Variants in APPBP2 observed in about 807,000 individuals in gnomAD.
The protein encoded by APPBP2 is amyloid beta precursor protein binding protein 2, also known as amyloid protein-binding protein 2.
In APPBP2, 15 loss-of-function variants were observed where a neutral mutation model predicts 76.0. The observed-to-expected ratio is 0.20, with a 90% confidence interval of 0.13 to 0.30. The LOEUF is 0.30. Among genes scored for constraint, APPBP2 ranks in the 10% least tolerant of loss-of-function variants. The pLI, the probability that APPBP2 is intolerant of heterozygous loss-of-function variation, is 1.00. For synonymous variants in APPBP2, 222 were observed against 242.2 expected (o/e 0.92, Z 0.77); for missense variants, 401 against 687.2 (o/e 0.58, Z 4.66).
At position 60,445,239 on chromosome 17, in the gene APPBP2, CAAT is replaced by C. The variant is rs1424896150; in HGVS notation, c.*2339_*2341del. 6.6e-6 allele frequency: 1 copy of C among 152,366 alleles called. No individual in the cohort carries two copies. Among genetic ancestry groups the C allele is most frequent in the East Asian group, 1.9e-4 (1 of 5,182 alleles). 9.4% of individuals were successfully genotyped at this position (152,366 alleles called of 1,614,324 possible). On this transcript the variant is annotated 3_prime_UTR_variant, in exon 13 of 13. Coordinates refer to ENST00000083182, the MANE Select transcript of APPBP2 (RefSeq NM_006380.5). ...AGCAGTGGTGATAAGGAGAAACTGC[CAAT>C]AATGATGTTTCAAAAAAACACAACT...
intron 1 of APPBP2, among the ~76,000 whole-genome samples, chr17:60,511,126 G>A (rs573074777): frequency 6.6e-6 from 1 of 152,316 alleles, no homozygotes; most frequent in South Asian, 2.1e-4. Flanking sequence ...CTAGTTAGAT[G>A]TAAGGCCTAG....
At chr17:60,474,083 T>C (rs566861307) in intron 4 of APPBP2, among the ~76,000 whole-genome samples, 29 of 152,300 alleles carry the variant, frequency 1.9e-4, no homozygotes, top group African/African-American at 6.5e-4. Context: ...AAGTAATCTT[T>C]AAAAAGCCAG....
At chr17:60,517,522 T>C (rs1020548859) in intron 1 of APPBP2, among the ~76,000 whole-genome samples, 1 of 152,242 alleles carries the variant, frequency 6.6e-6, no homozygotes, top group East Asian at 1.9e-4. Context: ...ACTTTTTTCA[T>C]ATTTAGATCA....
chr17:60,470,016 C>T (rs79866646), intron 4 of APPBP2, among the ~76,000 whole-genome samples: 2,199 of 147,224 alleles, frequency 0.015, 55 homozygotes, highest in African/African-American at 0.052. Context: ...TTTCCAATTT[C>T]TTTTTTTTTT....
chr17:60,447,668 A>C lies in APPBP2; in HGVS notation c.1671T>G (p.Leu557=), dbSNP rs746067021. Residue 557 remains leucine, a synonymous_variant, in exon 13 of 13, where the codon CTT becomes CTG. Transcript: ENST00000083182. ...ACTGGGGGCTGGTGCTGACATCTTC[A>C]AGAGCATCTGTCACTGAATATTGCC... ...RDRQYSVTDA[L]EDVSTSPQST... The C allele has an allele frequency of 9.3e-6, 15 of 1,614,146 alleles. No homozygotes were observed. The highest frequency in any genetic ancestry group is 1.3e-5 in the Non-Finnish European group (15 of 1,180,040).
Position 60,526,165 on chromosome 17 carries a change from A to C in APPBP2, c.-234T>G, listed in dbSNP as rs2091053929. 2 of 527,488 alleles carry C rather than the reference A, an allele frequency of 3.8e-6. No individual in the cohort carries two copies. The highest frequency in any genetic ancestry group is 1.9e-5 in the African/African-American group (1 of 52,054). 32.7% of individuals were successfully genotyped at this position (527,488 alleles called of 1,614,324 possible). Reference sequence around the variant, plus strand: ...AGAAAACAGCGGCCAGCCAGGCCAAAAGCGTCACAATCCCGGTTCGAGAGG... The same window carrying C: ...AGAAAACAGCGGCCAGCCAGGCCAACAGCGTCACAATCCCGGTTCGAGAGG... On this transcript the variant is annotated 5_prime_UTR_variant, in exon 1 of 13. Coordinates refer to ENST00000083182, the MANE Select transcript of APPBP2 (RefSeq NM_006380.5).
chr17:60,482,406 C>T (rs1038368620), intron 3 of APPBP2, among the ~76,000 whole-genome samples: 1 of 152,110 alleles, frequency 6.6e-6, no homozygotes, highest in Non-Finnish European at 1.5e-5. Flanking sequence ...CTTAGTAATG[C>T]AGTCCTTTCT....
chr17:60,524,610 G>GAAAA (rs35185909), intron 1 of APPBP2, among the ~76,000 whole-genome samples: 9 of 49,942 alleles, frequency 1.8e-4, no homozygotes, highest in Non-Finnish European at 2.6e-4. Context: ...TGCTAATTCT[G>GAAAA]AAAAAAAAAA....
intron 2 of APPBP2, among the ~76,000 whole-genome samples, chr17:60,494,956 G>C (rs1448736360): frequency 1.3e-5 from 2 of 149,034 alleles, no homozygotes; most frequent in Non-Finnish European, 3.0e-5. Flanking sequence ...AGGCAATGAA[G>C]ATAGAAGAGT....
chr17:60,498,785 CAG>C (rs774168765), intron 2 of APPBP2, among the ~76,000 whole-genome samples: 2 of 152,082 alleles, frequency 1.3e-5, no homozygotes, highest in Non-Finnish European at 2.9e-5. Flanking sequence ...AAAGACAAGA[CAG>C]GGGTTCTGGT....
Position 60,443,545 on chromosome 17 carries a change from C to G in APPBP2, c.*4036G>C, listed in dbSNP as rs887862445. 1 of 152,564 alleles carries G rather than the reference C, an allele frequency of 6.6e-6. No individual in the cohort carries two copies. Among genetic ancestry groups the G allele is most frequent in the Non-Finnish European group, 1.5e-5 (1 of 68,024 alleles). 9.5% of individuals were successfully genotyped at this position (152,564 alleles called of 1,614,324 possible). ...GTAATATTTAATAAAACGTAGCATT[C>G]ATTCACATCATAAAAGTAGAACTGA... On this transcript the variant is annotated 3_prime_UTR_variant, in exon 13 of 13. Transcript: ENST00000083182.
chr17:60,458,738 T>A (rs145182508), intron 9 of APPBP2, among the ~76,000 whole-genome samples: 3 of 151,990 alleles, frequency 2.0e-5, no homozygotes, highest in Non-Finnish European at 4.4e-5. Context: ...AAAGAACACA[T>A]ACTTTACAGC....
intron 1 of APPBP2, among the ~76,000 whole-genome samples, chr17:60,518,358 CGT>C (rs59428194): frequency 0.25 from 22,084 of 88,142 alleles, 3,195 homozygotes; most frequent in Non-Finnish European, 0.31. Flanking sequence ...TGTGTGCGTG[CGT>C]GTGTGTGTGT....
intron 4 of APPBP2, among the ~76,000 whole-genome samples, chr17:60,477,763 G>A (rs1282013450): frequency 6.8e-6 from 1 of 146,008 alleles, no homozygotes; most frequent in Non-Finnish European, 1.5e-5. Flanking sequence ...TATAAAAAAG[G>A]TCAATGACAG....
At chr17:60,510,442 T>A (rs1333568239) in intron 1 of APPBP2, among the ~76,000 whole-genome samples, 1 of 149,956 alleles carries the variant, frequency 6.7e-6, no homozygotes, top group Non-Finnish European at 1.5e-5. Context: ...TCATCTGATG[T>A]TGGGCGTGGT....
intron 6 of APPBP2, 52 bp downstream of exon 6, chr17:60,463,963 CAAACTT>C (rs1025373735): frequency 7.0e-6 from 9 of 1,276,856 alleles, no homozygotes; most frequent in Non-Finnish European, 9.9e-6. Flanking sequence ...TTAATTAAAA[CAAACTT>C]AAAGCCTGAT....
intron 1 of APPBP2, among the ~76,000 whole-genome samples, chr17:60,508,323 G>A (rs953925146): frequency 1.3e-5 from 2 of 152,082 alleles, no homozygotes; most frequent in Non-Finnish European, 2.9e-5. Flanking sequence ...CTAGCAATAT[G>A]GCACATAGCA....
intron 3 of APPBP2, among the ~76,000 whole-genome samples, chr17:60,486,580 CGT>C (rs1439791936): frequency 6.6e-6 from 1 of 152,052 alleles, no homozygotes; most frequent in Non-Finnish European, 1.5e-5. Context: ...TTTGAGCCTA[CGT>C]GTGTCTCTGC....
chr17:60,465,207 G>C (rs899552747), intron 5 of APPBP2: 3 of 152,324 alleles, frequency 2.0e-5, no homozygotes, highest in African/African-American at 7.2e-5. Flanking sequence ...ATACGTTCCA[G>C]ATAGACCCAA....
Sources: gnomAD v4.1 joint callset for allele counts (sites outside exome capture counted in the v4.1 genomes callset) on GRCh38, gnomAD v4.1.1 for gene constraint, MANE v1.5 for transcripts, NCBI Gene and HGNC (gene_info 2026-07-23, HGNC 2026-07-21) for gene names.